ALX4: variants seen among roughly 807,000 people sequenced by gnomAD.
The protein encoded by ALX4 is homeobox protein aristaless-like 4.
In ALX4, 22 loss-of-function variants were observed where a neutral mutation model predicts 40.6. That is an observed-to-expected ratio of 0.54 (90% CI 0.39 to 0.77). ALX4 has a LOEUF of 0.77. Ranked by LOEUF, ALX4 falls within the 30% of genes least tolerant of loss-of-function variation. ALX4 has a pLI of 0.00. For synonymous variants in ALX4, 266 were observed against 240.5 expected, an observed-to-expected ratio of 1.11 and a Z score of -0.98; for missense variants, 556 against 564.8, an observed-to-expected ratio of 0.98 and a Z score of 0.16.
intron 1 of ALX4, among the ~76,000 whole-genome samples, chr11:44,291,288 C>T (rs913946937): frequency 6.6e-5 from 10 of 152,204 alleles, no homozygotes; most frequent in African/African-American, 9.6e-5. Context: ...ACTGTGCCCT[C>T]ACCAAGGGCA....
At chr11:44,287,297 A>G (rs986557975) in intron 1 of ALX4, among the ~76,000 whole-genome samples, 5 of 152,130 alleles carry the variant, frequency 3.3e-5, no homozygotes, top group African/African-American at 9.7e-5. Flanking sequence ...AAAAACAAAA[A>G]ACAAACAAAC....
rs191076517 is a variant in ALX4, at chr11:44,281,344, C to T, written c.467-5686G>A. Among the ~76,000 whole-genome samples the T allele has an allele frequency of 3.5e-4, 53 of 152,018 alleles. No individual in the cohort carries two copies. In the East Asian group the frequency reaches 4.5e-3, roughly 13 times the overall value. ...GGCACACAAGTGGGATGTGTGTCCC[C>T]GTGGGCAGTTGTGTGTGGGTGCAGA... On this transcript the variant is annotated intron_variant, in intron 1 of 3. Transcript: ENST00000652299.
chr11:44,276,496 G>A (rs1016697072), intron 1 of ALX4, among the ~76,000 whole-genome samples: 5 of 152,200 alleles, frequency 3.3e-5, no homozygotes, highest in Admixed American at 3.3e-4. Flanking sequence ...CCTAGCTCAG[G>A]ACTGCAAGGA....
At chr11:44,281,016 T>C (rs1956306984) in intron 1 of ALX4, among the ~76,000 whole-genome samples, 1 of 152,260 alleles carries the variant, frequency 6.6e-6, no homozygotes, top group South Asian at 2.1e-4. Context: ...CCATCTGTCC[T>C]GGTTCAACCC....
In ALX4 at chr11:44,264,690, G is replaced by A; in HGVS notation, c.*164C>T. On this transcript the variant is annotated 3_prime_UTR_variant, in exon 4 of 4. Coordinates refer to ENST00000652299, the MANE Select transcript of ALX4 (RefSeq NM_021926.4). The stretch of plus-strand genomic sequence containing the variant: ...GGGGCCTGCTGCCCCCTCCCTCCCA[G>A]CAGTCCACGGGGCCTCAGACTTGGG... 1.3e-6 allele frequency: 1 copy of A among 749,838 alleles called. No homozygotes were observed. The highest frequency in any genetic ancestry group is 2.1e-6 in the Non-Finnish European group (1 of 471,700). The allele number at this position is 749,838 out of a possible 1,614,324, so 46.4% of individuals were successfully genotyped here. A position where few individuals can be genotyped will look rare whatever the true frequency, so the allele number is the denominator to read the frequency against.
intron 3 of ALX4, among the ~76,000 whole-genome samples, chr11:44,266,932 A>G (rs1338644657): frequency 6.6e-6 from 1 of 152,188 alleles, no homozygotes; most frequent in Non-Finnish European, 1.5e-5. Flanking sequence ...ATACTTTTGC[A>G]TGATTGAATT....
At chr11:44,307,935 T>A (rs1956479102) in intron 1 of ALX4, among the ~76,000 whole-genome samples, 1 of 151,910 alleles carries the variant, frequency 6.6e-6, no homozygotes, top group Admixed American at 6.6e-5. Context: ...GCAGTGGGTG[T>A]CTGTGTGTGG....
chr11:44,262,076 A>G lies in ALX4; in HGVS notation c.*2778T>C, dbSNP rs1956185832. On this transcript the variant is annotated 3_prime_UTR_variant, in exon 4 of 4. Coordinates refer to ENST00000652299, the MANE Select transcript of ALX4 (RefSeq NM_021926.4). ...ATGAGGCATTGGAGAGGGGAGCTCC[A>G]TGCAGCACCGGCCGCCCCTGGTGCC... 1 of 152,350 alleles carries G rather than the reference A, an allele frequency of 6.6e-6. No individual in the cohort carries two copies. The highest frequency in any genetic ancestry group is 2.4e-5 in the African/African-American group (1 of 41,466). The allele number at this position is 152,350 out of a possible 1,614,324, so 9.4% of individuals were successfully genotyped here.
In ALX4 at chr11:44,270,748, G is replaced by A. The variant is rs375727422; in HGVS notation, c.778-3126C>T. On this transcript the variant is annotated intron_variant, in intron 2 of 3. Coordinates refer to ENST00000652299, the MANE Select transcript of ALX4 (RefSeq NM_021926.4). The stretch of plus-strand genomic sequence containing the variant: ...ACCACGAGGTCCCCACTGTTCTCCC[G>A]GTCTGAATGTCATACCTCAGGACCA... Among the ~76,000 whole-genome samples the A allele has an allele frequency of 3.7e-4, 57 of 152,260 alleles. No homozygotes were observed. In the East Asian group the frequency reaches 4.1e-3, roughly 11 times the overall value.
intron 1 of ALX4, among the ~76,000 whole-genome samples, chr11:44,296,880 G>A (rs1956405548): frequency 6.6e-6 from 1 of 151,972 alleles, no homozygotes; most frequent in South Asian, 2.1e-4. Context: ...GTGGTGGTGG[G>A]TGCCTGTAAT....
chr11:44,284,592 G>A (rs1185806575), intron 1 of ALX4, among the ~76,000 whole-genome samples: 1 of 152,076 alleles, frequency 6.6e-6, no homozygotes, highest in Non-Finnish European at 1.5e-5. Context: ...TGGCATTCAG[G>A]GTCCCGAAGG....
intron 3 of ALX4, 21 bp downstream of exon 3, chr11:44,267,473 G>A: frequency 3.7e-6 from 6 of 1,612,744 alleles, no homozygotes; most frequent in Non-Finnish European, 5.1e-6. Context: ...ATCGGTGGCG[G>A]CAGCTCAGGG....
chr11:44,293,319 T>A (rs1256831523), intron 1 of ALX4, among the ~76,000 whole-genome samples: 1 of 151,398 alleles, frequency 6.6e-6, no homozygotes, highest in East Asian at 2.0e-4. Flanking sequence ...TGTCTCACAC[T>A]TGTAATCCCA....
At chr11:44,306,037 C>T (rs981663736) in intron 1 of ALX4, among the ~76,000 whole-genome samples, 1 of 152,246 alleles carries the variant, frequency 6.6e-6, no homozygotes, top group Non-Finnish European at 1.5e-5. Context: ...GATCTCCAAC[C>T]CGACATGTCT....
In ALX4 at chr11:44,288,985, C is replaced by G. The variant is rs775534154; in HGVS notation, c.467-13327G>C. On this transcript the variant is annotated intron_variant, in intron 1 of 3. Transcript: ENST00000652299. The stretch of plus-strand genomic sequence containing the variant: ...GAATTTGTCTTTCCTGTTCTCTCCC[C>G]CACCCTGTGTCTTGCCTTACTGATT... Among the ~76,000 whole-genome samples the G allele has an allele frequency of 8.5e-4, 130 of 152,278 alleles. 1 individual carries two copies. Among genetic ancestry groups the G allele is most frequent in the Non-Finnish European group, 1.2e-3 (85 of 68,028 alleles).
chr11:44,263,985 CG>C lies in ALX4; in HGVS notation c.*868del, dbSNP rs962108525. 3.9e-5 allele frequency: 6 copies of C among 152,562 alleles called. No homozygotes were observed. Among genetic ancestry groups the C allele is most frequent in the Non-Finnish European group, 7.3e-5 (5 of 68,310 alleles). The allele number at this position is 152,562 out of a possible 1,614,324, so 9.5% of individuals were successfully genotyped here. A position where few individuals can be genotyped will look rare whatever the true frequency, so the allele number is the denominator to read the frequency against. On this transcript the variant is annotated 3_prime_UTR_variant, in exon 4 of 4. Coordinates refer to ENST00000652299, the MANE Select transcript of ALX4 (RefSeq NM_021926.4). Reference sequence around the variant, plus strand: ...ACCAGATGCCAGGCAGGCCGGAGAGCGGGAGGACTGCCCGGGCCCACGCCCC... The same window carrying C: ...ACCAGATGCCAGGCAGGCCGGAGAGCGGAGGACTGCCCGGGCCCACGCCCC...
At chr11:44,280,363 C>A (rs538687752) in intron 1 of ALX4, among the ~76,000 whole-genome samples, 1 of 152,200 alleles carries the variant, frequency 6.6e-6, no homozygotes, top group African/African-American at 2.4e-5. Flanking sequence ...GTAGAGAAGA[C>A]CGCCAGGGAG....
intron 2 of ALX4, among the ~76,000 whole-genome samples, chr11:44,268,792 T>A (rs1956228140): frequency 6.6e-6 from 1 of 152,182 alleles, no homozygotes; most frequent in Admixed American, 6.5e-5. Context: ...TGGACCGTGG[T>A]GCTCCTCAGA....
chr11:44,293,145 AAG>A (rs1565007428), intron 1 of ALX4, among the ~76,000 whole-genome samples: 1 of 80,518 alleles, frequency 1.2e-5, no homozygotes, highest in East Asian at 3.5e-4. Flanking sequence ...GGAAGGAAGG[AAG>A]GAAGGAAGGA....
Sources: gnomAD v4.1 joint callset for allele counts (sites outside exome capture counted in the v4.1 genomes callset) on GRCh38, gnomAD v4.1.1 for gene constraint, MANE v1.5 for transcripts, NCBI Gene and HGNC (gene_info 2026-07-23, HGNC 2026-07-21) for gene names.